The following ARHGEF9 variants were observed in gnomAD, a reference collection of about 807,000 sequenced individuals.
ARHGEF9 encodes rho guanine nucleotide exchange factor 9.
In ARHGEF9, 2 loss-of-function variants were observed where a neutral mutation model predicts 41.3. The ratio of observed to expected loss-of-function variants is 0.05; its 90% CI spans 0.02 to 0.15. The LOEUF (loss-of-function observed/expected upper bound fraction) is 0.15, where lower values mean the gene tolerates loss of function less well. Ranked by LOEUF, ARHGEF9 falls within the 10% of genes least tolerant of loss-of-function variation. The pLI, the probability that ARHGEF9 is intolerant of heterozygous loss-of-function variation, is 1.00. For synonymous variants in ARHGEF9, 160 were observed against 154.4 expected (o/e 1.04, Z -0.27); for missense variants, 225 against 424.7 (o/e 0.53, Z 4.13).
At chrX:63,656,220 G>A (rs781861259) in intron 7 of ARHGEF9, among the ~76,000 whole-genome samples, 1 of 111,131 alleles carries the variant, frequency 9.0e-6, no homozygotes. Flanking sequence ...GATTACCTAG[G>A]GGGGGTCTAA....
intron 1 of ARHGEF9, among the ~76,000 whole-genome samples, chrX:63,738,212 T>C (rs1358983811): frequency 1.8e-5 from 2 of 111,510 alleles, no homozygotes; most frequent in Non-Finnish European, 3.8e-5. Context: ...CAGAACAATA[T>C]GTGTTGTATA....
intron 4 of ARHGEF9, among the ~76,000 whole-genome samples, chrX:63,694,836 A>G (rs145421690): frequency 2.6e-3 from 287 of 112,155 alleles, no homozygotes; most frequent in Non-Finnish European, 3.6e-3. Context: ...AAATCACTTA[A>G]AATGAATGAA....
At chrX:63,757,456 T>C (rs1247298538) in intron 1 of ARHGEF9, among the ~76,000 whole-genome samples, 4 of 111,669 alleles carry the variant, frequency 3.6e-5, no homozygotes, top group Non-Finnish European at 7.5e-5. Flanking sequence ...CTCCCACTCT[T>C]GCTGGTTTCC....
At chrX:63,738,716 A>G (rs1402848201) in intron 1 of ARHGEF9, among the ~76,000 whole-genome samples, 1 of 111,497 alleles carries the variant, frequency 9.0e-6, no homozygotes, top group Non-Finnish European at 1.9e-5. Flanking sequence ...AATCAGTGGA[A>G]GATAGGAAAA....
At chrX:63,755,326 C>A (rs1217134824) in intron 1 of ARHGEF9, 3 of 755,030 alleles carry the variant, frequency 4.0e-6, no homozygotes, top group Admixed American at 1.2e-4. Context: ...AGCTCGCTCT[C>A]CCCAGACCGG....
chrX:63,645,080 G>A (rs1352948584), intron 8 of ARHGEF9, among the ~76,000 whole-genome samples: 1 of 110,333 alleles, frequency 9.1e-6, no homozygotes, highest in East Asian at 2.8e-4. Context: ...CAGTGTAATA[G>A]TCTTCTGAAT....
chrX:63,769,284 T>C (rs1222523376), intron 1 of ARHGEF9, among the ~76,000 whole-genome samples: 1 of 109,026 alleles, frequency 9.2e-6, no homozygotes, highest in Non-Finnish European at 1.9e-5. Context: ...TTTGTGAAAC[T>C]AAACTTAAAA....
At chrX:63,724,942 C>T (rs1246128341) in intron 1 of ARHGEF9, 23 of 410,307 alleles carry the variant, frequency 5.6e-5, no homozygotes, top group Non-Finnish European at 8.0e-5. Flanking sequence ...ATATGTACTA[C>T]ATATGCCTCA....
chrX:63,697,343 G>C, intron 3 of ARHGEF9, 39 bp from the exon 4 acceptor site: 1 of 1,177,895 alleles, frequency 8.5e-7, no homozygotes, highest in East Asian at 3.0e-5. Context: ...GGAAGTCCCT[G>C]ACTTCCAGAA....
chrX:63,711,341 T>C (rs1371503095), intron 2 of ARHGEF9, among the ~76,000 whole-genome samples: 29 of 111,428 alleles, frequency 2.6e-4, no homozygotes, highest in African/African-American at 8.8e-4. Context: ...GGACCTAGGA[T>C]AACCAAAACA....
At chrX:63,664,083 T>A (rs2147257766) in intron 7 of ARHGEF9, among the ~76,000 whole-genome samples, 1 of 112,178 alleles carries the variant, frequency 8.9e-6, no homozygotes, top group Non-Finnish European at 1.9e-5. Context: ...ACCATCCCTG[T>A]TATATGCTTC....
At chrX:63,762,128 G>C (rs180960330) in intron 1 of ARHGEF9, among the ~76,000 whole-genome samples, 89 of 111,500 alleles carry the variant, frequency 8.0e-4, no homozygotes, top group Non-Finnish European at 1.4e-3. Flanking sequence ...TTCCACTCCT[G>C]AGCCTCATAA....
chrX:63,691,768 A>G (rs2051363765), intron 4 of ARHGEF9, among the ~76,000 whole-genome samples: 2 of 111,432 alleles, frequency 1.8e-5, no homozygotes, highest in South Asian at 3.8e-4. Flanking sequence ...AGCAAAAAGA[A>G]CAAAGCTGGA....
At chrX:63,734,775 C>T (rs2054516137) in intron 1 of ARHGEF9, among the ~76,000 whole-genome samples, 1 of 111,913 alleles carries the variant, frequency 8.9e-6, no homozygotes, top group African/African-American at 3.2e-5. Context: ...GGCACTGAAG[C>T]TACCACTAGT....
intron 3 of ARHGEF9, chrX:63,703,264 G>T (rs2052307186): frequency 8.9e-6 from 1 of 112,047 alleles, no homozygotes; most frequent in South Asian, 3.7e-4. Context: ...CTTAAAGCAG[G>T]ATCATATCAC....
intron 8 of ARHGEF9, 163 bp from the exon 9 acceptor site, chrX:63,644,211 A>G (rs782144682): frequency 2.5e-6 from 1 of 392,158 alleles, no homozygotes; most frequent in South Asian, 5.5e-5. Context: ...AATTTCTAGG[A>G]ATTTCACTAA....
intron 8 of ARHGEF9, among the ~76,000 whole-genome samples, chrX:63,653,125 G>A (rs1556331535): frequency 9.0e-6 from 1 of 111,404 alleles, no homozygotes; most frequent in African/African-American, 3.3e-5. Context: ...CTAATCAGTT[G>A]ACTTTATATA....
intron 2 of ARHGEF9, among the ~76,000 whole-genome samples, chrX:63,724,022 T>G (rs1182522872): frequency 1.8e-5 from 2 of 111,837 alleles, no homozygotes; most frequent in Non-Finnish European, 3.8e-5. Flanking sequence ...ACTCTTATAT[T>G]AACATCTGAA....
chrX:63,656,161 G>C (rs186559872), intron 7 of ARHGEF9, among the ~76,000 whole-genome samples: 1 of 111,418 alleles, frequency 9.0e-6, no homozygotes, highest in East Asian at 2.8e-4. Flanking sequence ...AACATCAGAG[G>C]GGGACTGAGT....
Sources: gnomAD v4.1 joint callset for allele counts (sites outside exome capture counted in the v4.1 genomes callset) on GRCh38, gnomAD v4.1.1 for gene constraint, MANE v1.5 for transcripts, NCBI Gene and HGNC (gene_info 2026-07-23, HGNC 2026-07-21) for gene names.